Variants in DPP6 observed in about 807,000 individuals in gnomAD.
DPP6 encodes A-type potassium channel modulatory protein DPP6.
In DPP6, 69 loss-of-function variants were observed where a neutral mutation model predicts 122.6. The ratio of observed to expected loss-of-function variants is 0.56; its 90% CI spans 0.46 to 0.69. DPP6 has a LOEUF of 0.69. DPP6 is among the 30% of genes least tolerant of loss of function. The pLI, the probability that DPP6 is intolerant of heterozygous loss-of-function variation, is 0.00. For synonymous variants in DPP6, 418 were observed against 433.1 expected (o/e 0.97, Z 0.43); for missense variants, 928 against 1,116.9 (o/e 0.83, Z 2.41).
chr7:154,011,897 T>A (rs1798170639), intron 1 of DPP6, among the ~76,000 whole-genome samples: 1 of 152,222 alleles, frequency 6.6e-6, no homozygotes, highest in African/African-American at 2.4e-5. Flanking sequence ...ACTAGTAAGC[T>A]GGAGAACAGA....
intron 22 of DPP6, among the ~76,000 whole-genome samples, chr7:154,886,235 C>T (rs1806136064): frequency 1.3e-5 from 2 of 152,222 alleles, no homozygotes; most frequent in Admixed American, 6.5e-5. Context: ...ACGAGGTCCA[C>T]GTGGCTCAGC....
chr7:154,265,089 T>C (rs1585778809), intron 1 of DPP6, among the ~76,000 whole-genome samples: 2 of 152,394 alleles, frequency 1.3e-5, no homozygotes, highest in East Asian at 3.9e-4. Context: ...ATGATGGTGA[T>C]GATGATGGTG....
chr7:153,887,856 G>A (rs750534575), intron 1 of DPP6: 9 of 1,103,456 alleles, frequency 8.2e-6, no homozygotes, highest in Non-Finnish European at 1.1e-5. Context: ...CCATGCCCGC[G>A]CGCGGCGGCG....
At chr7:154,371,430 A>G (rs1321672305) in intron 1 of DPP6, among the ~76,000 whole-genome samples, 1 of 151,828 alleles carries the variant, frequency 6.6e-6, no homozygotes, top group Non-Finnish European at 1.5e-5. Context: ...AGACAGAAAA[A>G]ACAAACAAAA....
intron 5 of DPP6, among the ~76,000 whole-genome samples, chr7:154,569,708 G>T (rs1830990216): frequency 6.7e-6 from 1 of 149,602 alleles, no homozygotes; most frequent in Non-Finnish European, 1.5e-5. Flanking sequence ...ATAAAATTTT[G>T]GTATATTGGG....
At chr7:154,688,007 A>G (rs1839721907) in intron 7 of DPP6, among the ~76,000 whole-genome samples, 1 of 152,182 alleles carries the variant, frequency 6.6e-6, no homozygotes, top group Admixed American at 6.5e-5. Context: ...CAGACTCTCC[A>G]CTGTGTTCCA....
chr7:154,580,834 A>G (rs983453960), intron 5 of DPP6, among the ~76,000 whole-genome samples: 1 of 152,180 alleles, frequency 6.6e-6, no homozygotes, highest in Non-Finnish European at 1.5e-5. Context: ...AGCGAGCATC[A>G]GCGAGGAGCT....
chr7:154,231,162 T>G (rs1800896489), intron 1 of DPP6, among the ~76,000 whole-genome samples: 1 of 152,196 alleles, frequency 6.6e-6, no homozygotes, highest in Admixed American at 6.5e-5. Context: ...TCCTCTTTAC[T>G]CAAGATCTTG....
intron 1 of DPP6, among the ~76,000 whole-genome samples, chr7:154,310,272 A>G (rs918287574): frequency 2.0e-5 from 3 of 152,208 alleles, no homozygotes; most frequent in African/African-American, 7.2e-5. Flanking sequence ...TTGTTACCAA[A>G]GAGAACAACA....
chr7:153,904,532 CAGTG>C (rs1799769089), intron 1 of DPP6, among the ~76,000 whole-genome samples: 1 of 152,180 alleles, frequency 6.6e-6, no homozygotes, highest in African/African-American at 2.4e-5. Flanking sequence ...ATAGTGGTAA[CAGTG>C]AGCACTTTGA....
chr7:154,399,044 C>T (rs897951438), intron 1 of DPP6, among the ~76,000 whole-genome samples: 1 of 152,112 alleles, frequency 6.6e-6, no homozygotes, highest in Non-Finnish European at 1.5e-5. Context: ...GTTAATAATT[C>T]ACAATGAATA....
intron 7 of DPP6, among the ~76,000 whole-genome samples, chr7:154,692,507 A>G (rs974416434): frequency 3.9e-5 from 6 of 152,104 alleles, no homozygotes; most frequent in Admixed American, 6.5e-5. Context: ...TTCAAATTGT[A>G]TCCTCATGTG....
chr7:154,133,600 G>A (rs1795397528), intron 1 of DPP6, among the ~76,000 whole-genome samples: 1 of 152,202 alleles, frequency 6.6e-6, no homozygotes, highest in Non-Finnish European at 1.5e-5. Context: ...TCACATTATA[G>A]TTTTTGTACA....
At chr7:154,746,531 G>A (rs1843044448) in intron 8 of DPP6, among the ~76,000 whole-genome samples, 1 of 152,134 alleles carries the variant, frequency 6.6e-6, no homozygotes, top group Non-Finnish European at 1.5e-5. Flanking sequence ...TGCTTCTTAA[G>A]CTTCTAGAAA....
chr7:154,351,048 C>T (rs997981399), intron 1 of DPP6, among the ~76,000 whole-genome samples: 1 of 152,108 alleles, frequency 6.6e-6, no homozygotes, highest in Non-Finnish European at 1.5e-5. Flanking sequence ...GGTTTCTTAA[C>T]ATTTAAGGTG....
At chr7:154,843,879 A>C (rs1801752478) in intron 16 of DPP6, among the ~76,000 whole-genome samples, 1 of 152,212 alleles carries the variant, frequency 6.6e-6, no homozygotes. Flanking sequence ...CATGGCATCA[A>C]AGCGTATTTT....
intron 1 of DPP6, among the ~76,000 whole-genome samples, chr7:153,935,949 C>T (rs373750700): frequency 7.2e-5 from 11 of 152,332 alleles, no homozygotes; most frequent in Admixed American, 3.3e-4. Context: ...TGCTCATGAT[C>T]ATCAACATGC....
At chr7:154,576,358 A>G (rs962265926) in intron 5 of DPP6, among the ~76,000 whole-genome samples, 2 of 152,068 alleles carry the variant, frequency 1.3e-5, no homozygotes, top group Non-Finnish European at 2.9e-5. Context: ...AACCACGATG[A>G]CCTTTCTGTG....
intron 20 of DPP6, 155 bp downstream of exon 20, chr7:154,876,255 G>A: frequency 8.0e-7 from 1 of 1,257,082 alleles, no homozygotes; most frequent in Non-Finnish European, 1.0e-6. Flanking sequence ...TTCCAAAGAA[G>A]TTTCAAAGGA....
Sources: gnomAD v4.1 joint callset for allele counts (sites outside exome capture counted in the v4.1 genomes callset) on GRCh38, gnomAD v4.1.1 for gene constraint, MANE v1.5 for transcripts, NCBI Gene and HGNC (gene_info 2026-07-23, HGNC 2026-07-21) for gene names.